COL5A2: variants seen among roughly 807,000 people sequenced by gnomAD.
COL5A2 encodes collagen type V alpha 2 chain, also known as collagen alpha-2(V) chain.
Under a neutral mutation model 208.2 loss-of-function variants are expected in COL5A2, and 23 were observed. The ratio of observed to expected loss-of-function variants is 0.11; its 90% CI spans 0.08 to 0.16. The LOEUF is 0.16. COL5A2 is among the 10% of genes least tolerant of loss of function. COL5A2 has a pLI of 1.00. For synonymous variants in COL5A2, 625 were observed against 628.5 expected (o/e 0.99, Z 0.08); for missense variants, 1,590 against 1,956.4 (o/e 0.81, Z 3.53).
At chr2:189,036,852 G>T in intron 51 of COL5A2, 49 bp from the exon 52 acceptor site, 2 of 1,334,918 alleles carry the variant, frequency 1.5e-6, no homozygotes, top group Non-Finnish European at 2.1e-6. Context: ...TCTCAATCAT[G>T]ACTATAAGTC....
the COL5A2 span, among the ~76,000 whole-genome samples, chr2:189,309,675 C>T: frequency 7.9e-5 from 12 of 152,296 alleles, no homozygotes; most frequent in African/African-American, 2.9e-4. Context: ...GTCTCTCACT[C>T]TGTCTTATAC....
At chr2:189,159,213 T>C (rs1198589836) in intron 1 of COL5A2, among the ~76,000 whole-genome samples, 1 of 152,182 alleles carries the variant, frequency 6.6e-6, no homozygotes, top group Non-Finnish European at 1.5e-5. Flanking sequence ...AAATATTTGG[T>C]TCAGATGTGG....
At chr2:189,398,884 T>TA in the COL5A2 span, among the ~76,000 whole-genome samples, 1 of 152,340 alleles carries the variant, frequency 6.6e-6, no homozygotes, top group East Asian at 1.9e-4. Context: ...TTTTTACTAC[T>TA]AGAGGTTATT....
rs367643805 is a variant in COL5A2 at position 189,043,143 on chromosome 2, T to A, written c.3471+8A>T. 1,759 of 1,604,170 alleles carry A rather than the reference T, an allele frequency of 1.1e-3. 1 individual carries two copies. The highest frequency in any genetic ancestry group is 1.4e-3 in the Non-Finnish European group (1,681 of 1,171,892). ...CAGGGCAGAATAATACTTAAAGGAA[T>A]AACTTACAGGAGGGCCAGGAAGACC... On this transcript the variant is annotated splice_region_variant and intron_variant, in intron 48 of 53. Coordinates refer to ENST00000374866, the MANE Select transcript of COL5A2 (RefSeq NM_000393.5).
chr2:189,345,936 G>A, the COL5A2 span, among the ~76,000 whole-genome samples: 2 of 152,180 alleles, frequency 1.3e-5, no homozygotes, highest in African/African-American at 4.8e-5. Flanking sequence ...AGTTGACTGA[G>A]TGTGGATGTA....
chr2:189,337,820 C>CAAAAAAAAAAAA, the COL5A2 span, among the ~76,000 whole-genome samples: 1 of 143,702 alleles, frequency 7.0e-6, no homozygotes, highest in Non-Finnish European at 1.5e-5. Flanking sequence ...TCCATCCTAG[C>CAAAAAAAAAAAA]AAAAAAAAAA....
the COL5A2 span, among the ~76,000 whole-genome samples, chr2:189,272,558 G>A: frequency 6.6e-6 from 1 of 152,130 alleles, no homozygotes; most frequent in Non-Finnish European, 1.5e-5. Flanking sequence ...AATACTTAAT[G>A]TAGATGATGA....
the COL5A2 span, among the ~76,000 whole-genome samples, chr2:189,329,677 G>A: frequency 8.4e-4 from 128 of 152,088 alleles, no homozygotes; most frequent in African/African-American, 2.6e-3. Context: ...AGATAAAATA[G>A]AATAAAACCT....
At chr2:189,178,961 C>A (rs1029252801) in intron 1 of COL5A2, among the ~76,000 whole-genome samples, 1 of 151,760 alleles carries the variant, frequency 6.6e-6, no homozygotes, top group African/African-American at 2.4e-5. Context: ...CACATTTTCA[C>A]AAATGAAAAT....
chr2:189,279,644 T>C, the COL5A2 span, among the ~76,000 whole-genome samples: 1 of 152,070 alleles, frequency 6.6e-6, no homozygotes, highest in Admixed American at 6.6e-5. Flanking sequence ...ATTATTTTTA[T>C]AGCTAGAGTA....
chr2:189,295,429 G>T, the COL5A2 span, among the ~76,000 whole-genome samples: 1 of 152,196 alleles, frequency 6.6e-6, no homozygotes, highest in South Asian at 2.1e-4. Context: ...CCAACATGGC[G>T]AAACTAAAAA....
chr2:189,117,426 G>T (rs1047617762), intron 1 of COL5A2, among the ~76,000 whole-genome samples: 3 of 152,106 alleles, frequency 2.0e-5, no homozygotes, highest in Non-Finnish European at 4.4e-5. Flanking sequence ...TTGGTACAGA[G>T]CTATGCCAAA....
At chr2:189,046,002 A>G in intron 45 of COL5A2, 95 bp from the exon 46 acceptor site, 2 of 1,001,144 alleles carry the variant, frequency 2.0e-6, no homozygotes, top group South Asian at 2.9e-5. Context: ...TAATAATGGG[A>G]AAAAATACCC....
At chr2:189,267,438 C>G in the COL5A2 span, among the ~76,000 whole-genome samples, 1 of 151,988 alleles carries the variant, frequency 6.6e-6, no homozygotes, top group Non-Finnish European at 1.5e-5. Flanking sequence ...ATTCATCTTG[C>G]AAAAACACAT....
At chr2:189,374,575 C>T in the COL5A2 span, among the ~76,000 whole-genome samples, 1 of 151,932 alleles carries the variant, frequency 6.6e-6, no homozygotes, top group Non-Finnish European at 1.5e-5. Flanking sequence ...ACTTTTTACT[C>T]AGTATTATAT....
the COL5A2 span, among the ~76,000 whole-genome samples, chr2:189,269,749 C>T: frequency 6.6e-6 from 1 of 152,118 alleles, no homozygotes; most frequent in Non-Finnish European, 1.5e-5. Flanking sequence ...ATGCTGGCCT[C>T]ATAAAATGAG....
chr2:189,180,276 C>G (rs930699700), upstream of COL5A2, among the ~76,000 whole-genome samples: 7 of 152,274 alleles, frequency 4.6e-5, no homozygotes, highest in African/African-American at 1.7e-4. Context: ...TTCCCATACT[C>G]TGGAAGGAGA....
chr2:189,142,652 C>T (rs60341298), intron 1 of COL5A2, among the ~76,000 whole-genome samples: 4,122 of 152,266 alleles, frequency 0.027, 75 homozygotes, highest in Admixed American at 0.043. Flanking sequence ...ATTCTGCTTT[C>T]AATAGGACAG....
intron 1 of COL5A2, among the ~76,000 whole-genome samples, chr2:189,202,052 A>C (rs1689086183): frequency 6.6e-6 from 1 of 151,638 alleles, no homozygotes; most frequent in African/African-American, 2.4e-5. Context: ...AAAGCATTTT[A>C]AGCTCCTGTT....
Sources: gnomAD v4.1 joint callset for allele counts (sites outside exome capture counted in the v4.1 genomes callset) on GRCh38, gnomAD v4.1.1 for gene constraint, MANE v1.5 for transcripts, NCBI Gene and HGNC (gene_info 2026-07-23, HGNC 2026-07-21) for gene names.